IMMP2L: variants seen among roughly 807,000 people sequenced by gnomAD.
IMMP2L encodes inner mitochondrial membrane peptidase subunit 2.
Under a neutral mutation model 19.3 loss-of-function variants are expected in IMMP2L, and 18 were observed. That is an observed-to-expected ratio of 0.93 (90% confidence interval 0.64 to 1.38). The LOEUF (loss-of-function observed/expected upper bound fraction) is 1.38. Ranked by LOEUF, IMMP2L falls within the 40% of genes most tolerant of loss-of-function variation. IMMP2L has a pLI of 0.00. For synonymous variants in IMMP2L, 76 were observed against 73.0 expected (o/e 1.04, Z -0.21); for missense variants, 233 against 218.2 (o/e 1.07, Z -0.43).
intron 3 of IMMP2L, chr7:111,097,067 G>C (rs923706782): frequency 6.6e-6 from 1 of 151,790 alleles, no homozygotes; most frequent in South Asian, 2.1e-4. Context: ...CTCTATTCAG[G>C]GAAGGAGTGT....
chr7:111,445,483 G>A (rs1031809463), intron 3 of IMMP2L, among the ~76,000 whole-genome samples: 1 of 151,654 alleles, frequency 6.6e-6, no homozygotes, highest in Non-Finnish European at 1.5e-5. Flanking sequence ...AATCATACAA[G>A]ATCATGATGA....
intron 3 of IMMP2L, among the ~76,000 whole-genome samples, chr7:111,315,797 T>C (rs1278594734): frequency 6.7e-6 from 1 of 149,612 alleles, no homozygotes; most frequent in Admixed American, 6.6e-5. Flanking sequence ...AATAACTACA[T>C]AGGAATGTAA....
intron 4 of IMMP2L, among the ~76,000 whole-genome samples, chr7:110,903,573 G>GCATA (rs1812133968): frequency 1.3e-5 from 2 of 152,130 alleles, no homozygotes; most frequent in African/African-American, 4.8e-5. Context: ...CATCCACGTT[G>GCATA]TTGCATATTG....
intron 5 of IMMP2L, among the ~76,000 whole-genome samples, chr7:110,786,115 A>C (rs1268284876): frequency 6.6e-6 from 1 of 151,970 alleles, no homozygotes; most frequent in Non-Finnish European, 1.5e-5. Context: ...AGAGTCTTTT[A>C]ACTAACATGT....
intron 3 of IMMP2L, among the ~76,000 whole-genome samples, chr7:111,380,531 C>T (rs1489783663): frequency 6.6e-6 from 1 of 151,940 alleles, no homozygotes; most frequent in East Asian, 1.9e-4. Flanking sequence ...AATTAACATG[C>T]AGCTATTGAA....
chr7:111,011,139 GA>G (rs528083946), intron 3 of IMMP2L, among the ~76,000 whole-genome samples: 3 of 151,902 alleles, frequency 2.0e-5, no homozygotes, highest in South Asian at 4.2e-4. Context: ...ATTATGGAAA[GA>G]AAAAAAGTAC....
intron 5 of IMMP2L, among the ~76,000 whole-genome samples, chr7:110,766,075 T>C (rs1798639415): frequency 6.6e-6 from 1 of 152,174 alleles, no homozygotes; most frequent in African/African-American, 2.4e-5. Flanking sequence ...AATTATTAGT[T>C]CTAATGATTT....
chr7:111,048,259 A>AAG (rs1563192294), intron 3 of IMMP2L, among the ~76,000 whole-genome samples: 66 of 149,386 alleles, frequency 4.4e-4, no homozygotes, highest in Middle Eastern at 3.4e-3. Context: ...AAAAAAAAAA[A>AAG]AAAAAAGAAA....
At position 111,220,301 on chromosome 7, in the gene IMMP2L, G is replaced by T. The variant is rs1005368088; in HGVS notation, c.240-256736C>A. On this transcript the variant is annotated intron_variant, in intron 3 of 5. Transcript: ENST00000405709. ...TTTATAGGTATTATACGATATAAAAGATGAAGAATAAAACATTGTTTGGTT... is the reference window on the plus strand; with the variant it reads ...TTTATAGGTATTATACGATATAAAATATGAAGAATAAAACATTGTTTGGTT... 7.9e-5 allele frequency among the ~76,000 whole-genome samples: 12 copies of T among 151,986 alleles called. 1 individual carries two copies. In the East Asian group the frequency reaches 2.3e-3, roughly 29 times the overall value.
chr7:111,055,583 G>T (rs915402507), intron 3 of IMMP2L, among the ~76,000 whole-genome samples: 1 of 152,082 alleles, frequency 6.6e-6, no homozygotes, highest in Admixed American at 6.6e-5. Flanking sequence ...AATTTTCTTT[G>T]ACCCCTGTCT....
At chr7:111,208,347 C>T (rs901636696) in intron 3 of IMMP2L, among the ~76,000 whole-genome samples, 58 of 152,190 alleles carry the variant, frequency 3.8e-4, no homozygotes, top group African/African-American at 1.3e-3. Context: ...GATTTTTACC[C>T]ATAACATACA....
At chr7:111,468,923 G>C (rs1190594724) in intron 3 of IMMP2L, among the ~76,000 whole-genome samples, 15 of 152,036 alleles carry the variant, frequency 9.9e-5, no homozygotes, top group Non-Finnish European at 7.4e-5. Flanking sequence ...AAGAAAAAAA[G>C]TTTGGTATGG....
chr7:110,915,475 G>T (rs778852455), intron 4 of IMMP2L, among the ~76,000 whole-genome samples: 1 of 152,072 alleles, frequency 6.6e-6, no homozygotes, highest in Non-Finnish European at 1.5e-5. Context: ...GGGGAAATGG[G>T]GAGATGTTGG....
At chr7:111,055,598 T>C (rs1198286820) in intron 3 of IMMP2L, among the ~76,000 whole-genome samples, 1 of 152,196 alleles carries the variant, frequency 6.6e-6, no homozygotes, top group Non-Finnish European at 1.5e-5. Context: ...CTGTCTGTTG[T>C]CAAACTGCTT....
At chr7:111,029,971 G>A (rs1175042724) in intron 3 of IMMP2L, among the ~76,000 whole-genome samples, 2 of 152,190 alleles carry the variant, frequency 1.3e-5, no homozygotes, top group Non-Finnish European at 2.9e-5. Flanking sequence ...AAATGAGACA[G>A]TGAGAGAATC....
chr7:111,127,112 C>T (rs966834986), intron 3 of IMMP2L, among the ~76,000 whole-genome samples: 7 of 152,160 alleles, frequency 4.6e-5, no homozygotes, highest in Non-Finnish European at 8.8e-5. Flanking sequence ...GCTAATTCAA[C>T]GTGTTTCTCA....
chr7:111,030,168 A>G (rs1006953482), intron 3 of IMMP2L, among the ~76,000 whole-genome samples: 3 of 152,174 alleles, frequency 2.0e-5, no homozygotes, highest in African/African-American at 7.2e-5. Flanking sequence ...AGAGTTCAGG[A>G]TTGAACCTAT....
intron 3 of IMMP2L, among the ~76,000 whole-genome samples, chr7:111,061,684 T>C (rs923844858): frequency 6.6e-6 from 1 of 152,088 alleles, no homozygotes; most frequent in African/African-American, 2.4e-5. Flanking sequence ...TTCTAAGAGG[T>C]CTTTTGGGCT....
intron 3 of IMMP2L, among the ~76,000 whole-genome samples, chr7:111,100,211 G>A (rs889878297): frequency 2.6e-5 from 4 of 151,436 alleles, no homozygotes; most frequent in African/African-American, 7.3e-5. Context: ...TGATTTCTGA[G>A]ATTTTGGTGC....
Sources: allele counts gnomAD v4.1 joint callset (sites outside exome capture counted in the v4.1 genomes callset), GRCh38; gene constraint gnomAD v4.1.1; transcripts MANE v1.5; gene names NCBI Gene and HGNC (gene_info 2026-07-23, HGNC 2026-07-21).